NLRP12: variants seen among roughly 807,000 people sequenced by gnomAD.
NLRP12 encodes NACHT, LRR and PYD domains-containing protein 12.
Under a neutral mutation model 91.2 loss-of-function variants are expected in NLRP12, and 108 were observed. The observed-to-expected ratio is 1.18, with a 90% CI of 1.01 to 1.39. The LOEUF is 1.39. NLRP12 is among the 40% of genes most tolerant of loss of function. The pLI is 0.00. For synonymous variants in NLRP12, 613 were observed against 566.7 expected (o/e 1.08, Z -1.16); for missense variants, 1,530 against 1,352.7 (o/e 1.13, Z -2.06).
intron 6 of NLRP12, among the ~76,000 whole-genome samples, chr19:53,802,778 TTTTTA>T (rs1285205632): frequency 2.0e-5 from 3 of 152,074 alleles, no homozygotes; most frequent in South Asian, 2.1e-4. Context: ...TTAAATTTAC[TTTTTA>T]TTTTATTAGG....
chr19:53,798,809 TCGG>T lies in NLRP12; in HGVS notation c.2757-399_2757-397del, dbSNP rs1568658699. Among the ~76,000 whole-genome samples the T allele has an allele frequency of 3.3e-5, 5 of 152,210 alleles. No homozygotes were observed. In the East Asian group the frequency reaches 9.7e-4, roughly 29 times the overall value. Reference sequence around the variant, plus strand: ...CAGGCTGGAGTGCAATGGTGCAATCTCGGCTCACTGCAACCTCCACCTCACAAG... The same window carrying T: ...CAGGCTGGAGTGCAATGGTGCAATCTCTCACTGCAACCTCCACCTCACAAG... On this transcript the variant is annotated intron_variant, in intron 7 of 9. Coordinates refer to ENST00000324134, the MANE Select transcript of NLRP12 (RefSeq NM_144687.4).
rs143515989 is a variant in NLRP12, at chr19:53,798,414, C to A, written c.2757-1G>T. 3.5e-5 allele frequency: 56 copies of A among 1,613,756 alleles called. No individual in the cohort carries two copies. Among genetic ancestry groups the A allele is most frequent in the Non-Finnish European group, 4.6e-5 (54 of 1,179,926 alleles). On this transcript the variant is annotated splice_acceptor_variant, in intron 7 of 9. Coordinates refer to ENST00000324134, the MANE Select transcript of NLRP12 (RefSeq NM_144687.4). LOFTEE classifies it high-confidence loss of function. ...AGAGCCCAGCCGGCAGATGCCCAAC[C>A]TGCAAAGACAGGATGCTAGGGCGGA...
intron 6 of NLRP12, 189 bp downstream of exon 6, chr19:53,803,763 G>A (rs2091910720): frequency 3.3e-6 from 2 of 610,830 alleles, no homozygotes; most frequent in Non-Finnish European, 6.0e-6. Context: ...TAGTAGAGAG[G>A]GGGTTTCACC....
chr19:53,799,934 C>G (rs1050474907), intron 7 of NLRP12, among the ~76,000 whole-genome samples: 6 of 152,062 alleles, frequency 3.9e-5, no homozygotes, highest in Non-Finnish European at 7.4e-5. Flanking sequence ...AAGGCCAAGG[C>G]CAGAGGATCT....
rs774905024 is a variant in NLRP12, at chr19:53,795,896, G to T, written c.3061C>A (p.Arg1021=). Residue 1021 remains arginine (R), a synonymous_variant, in exon 9 of 10, where the codon CGG becomes AGG. Transcript: ENST00000324134. ...GDTGVRLLCK[R]LSHPGCKLRV... Reference sequence around the variant, plus strand: ...AGTTTGCAGCCAGGATGGCTCAGCCGCTTGCAAAGCAGTCGGACACCTGTG... The same window carrying T: ...AGTTTGCAGCCAGGATGGCTCAGCCTCTTGCAAAGCAGTCGGACACCTGTG... The T allele has an allele frequency of 1.2e-6, 2 of 1,614,148 alleles. No individual in the cohort carries two copies. Among genetic ancestry groups the T allele is most frequent in the Non-Finnish European group, 1.7e-6 (2 of 1,180,028 alleles).
chr19:53,811,458 G>C (rs1390968072), intron 2 of NLRP12, among the ~76,000 whole-genome samples, 170 bp from the exon 3 acceptor site: 1 of 151,694 alleles, frequency 6.6e-6, no homozygotes, highest in Non-Finnish European at 1.5e-5. Flanking sequence ...AGGTTGCAGT[G>C]AGCTGAGATC....
intron 7 of NLRP12, among the ~76,000 whole-genome samples, 179 bp downstream of exon 7, chr19:53,801,048 C>G (rs574250710): frequency 6.7e-6 from 1 of 150,062 alleles, no homozygotes; most frequent in African/African-American, 2.5e-5. Context: ...AAAAAATTAG[C>G]TGGGCTTGGT....
rs926548329 is a variant in NLRP12 at position 53,795,867 on chromosome 19, T to A, written c.3090A>T (p.Arg1030=). 11 of 1,613,938 alleles carry A rather than the reference T, an allele frequency of 6.8e-6. No homozygotes were observed. The African/African-American group carries it at 1.2e-4, about 18-fold the overall frequency. ...TGGTCATCATCCCTCACCAGAGGACTCGGAGTTTGCAGCCAGGATGGCTCA... is the reference window on the plus strand; with the variant it reads ...TGGTCATCATCCCTCACCAGAGGACACGGAGTTTGCAGCCAGGATGGCTCA... ...KRLSHPGCKL[R]VLWLFGMDLN... The change falls in exon 9 of 10, where the codon CGA becomes CGT. Residue 1030 remains arginine (R), a synonymous_variant. Transcript: ENST00000324134.
At chr19:53,819,598 C>CAT (rs10655030) in intron 1 of NLRP12, among the ~76,000 whole-genome samples, 9,245 of 24,804 alleles carry the variant, frequency 0.37, 1,822 homozygotes, top group Non-Finnish European at 0.43. Flanking sequence ...TACGTATATA[C>CAT]GCATATATAT....
intron 1 of NLRP12, among the ~76,000 whole-genome samples, chr19:53,822,287 C>T (rs956864453): frequency 6.6e-6 from 1 of 152,088 alleles, no homozygotes; most frequent in African/African-American, 2.4e-5. Context: ...AATTAGAATT[C>T]CAGATCTCCC....
At position 53,811,117 on chromosome 19, in the gene NLRP12, C is replaced by T. The variant is rs1241323756; in HGVS notation, c.542G>A (p.Arg181Gln). ...GTGTCCCACGGTCCTCGCGTGTCCC[C>T]GGCCTGTGTCCAGAAGCTGCTGCTG... ...QVQQQLLDTGRGHARTVGHQA... is the reference protein window; with the variant it reads ...QVQQQLLDTGQGHARTVGHQA... The change falls in exon 3 of 10, where the codon CGG (arginine) becomes CAG (glutamine). Residue 181 changes from arginine (R) to glutamine (Q), a missense_variant. Arg to Gln is a conservative substitution (Grantham distance 43). Transcript: ENST00000324134. The T allele has an allele frequency of 3.7e-6, 6 of 1,613,956 alleles. No homozygotes were observed. Among genetic ancestry groups the T allele is most frequent in the African/African-American group, 2.7e-5 (2 of 74,916 alleles).
rs1221331732 is a variant in NLRP12 at position 53,805,458 on chromosome 19, G to A, written c.2244-8C>T. 6 of 1,613,524 alleles carry A rather than the reference G, an allele frequency of 3.7e-6. No homozygotes were observed. The highest frequency in any genetic ancestry group is 5.1e-6 in the Non-Finnish European group (6 of 1,179,844). ...ATGCGGCACCTCTTCAGCCTGGGGT[G>A]GAAAAGAGGAGAAAGGAGCTGGTCA... On this transcript the variant is annotated splice_region_variant and splice_polypyrimidine_tract_variant and intron_variant, in intron 4 of 9. Transcript: ENST00000324134.
chr19:53,812,916 T>C lies in NLRP12; in HGVS notation c.371-1628A>G, dbSNP rs147357807. Among the ~76,000 whole-genome samples the C allele has an allele frequency of 8.1e-3, 1,204 of 147,902 alleles. 20 individuals are homozygous for C. The highest frequency in any genetic ancestry group is 0.027 in the African/African-American group (1,090 of 40,362). On this transcript the variant is annotated intron_variant, in intron 2 of 9. Coordinates refer to ENST00000324134, the MANE Select transcript of NLRP12 (RefSeq NM_144687.4). Reference sequence around the variant, plus strand: ...TTTTTTTTGAGACAGAGTGTTGCTCTGTCCCCCAGGCTGGAGTGCAGTGGC... The same window carrying C: ...TTTTTTTTGAGACAGAGTGTTGCTCCGTCCCCCAGGCTGGAGTGCAGTGGC...
chr19:53,805,389 T>C lies in NLRP12; in HGVS notation c.2305A>G (p.Asn769Asp), dbSNP rs2122610798. 6 of 1,614,082 alleles carry C rather than the reference T, an allele frequency of 3.7e-6. No homozygotes were observed. The highest frequency in any genetic ancestry group is 5.1e-6 in the Non-Finnish European group (6 of 1,179,998). The part of the protein sequence containing the change: ...CEDLSAALIA[N>D]KNLTRMDLSG... ...AGATCCATCCTTGTCAAATTCTTATTGGCTATGAGAGCTGCAGAGAGGTCC... is the reference window on the plus strand; with the variant it reads ...AGATCCATCCTTGTCAAATTCTTATCGGCTATGAGAGCTGCAGAGAGGTCC... Residue 769 changes from asparagine (N) to aspartate (D), a missense_variant, in exon 5 of 10, where the codon AAT (asparagine) becomes GAT (aspartate). Coordinates refer to ENST00000324134, the MANE Select transcript of NLRP12 (RefSeq NM_144687.4).
chr19:53,823,273 T>G (rs2092286293), intron 1 of NLRP12, among the ~76,000 whole-genome samples: 1 of 140,308 alleles, frequency 7.1e-6, no homozygotes, highest in Non-Finnish European at 1.5e-5. Context: ...TTTATATATA[T>G]TTATATAATA....
chr19:53,802,541 A>G (rs2091891915), intron 6 of NLRP12, among the ~76,000 whole-genome samples: 1 of 151,854 alleles, frequency 6.6e-6, no homozygotes, highest in Non-Finnish European at 1.5e-5. Flanking sequence ...CCCCGTCTCT[A>G]CTAAAAATAC....
chr19:53,800,347 C>T (rs917160221), intron 7 of NLRP12, among the ~76,000 whole-genome samples: 4 of 151,944 alleles, frequency 2.6e-5, no homozygotes, highest in Admixed American at 6.6e-5. Flanking sequence ...CATGCGCTTG[C>T]AGTCCCAGCT....
intron 1 of NLRP12, among the ~76,000 whole-genome samples, chr19:53,815,255 G>T (rs2092141101): frequency 7.6e-6 from 1 of 130,984 alleles, no homozygotes; most frequent in Non-Finnish European, 1.6e-5. Context: ...TTGAGACGGA[G>T]TCTTGCTCTG....
chr19:53,816,080 G>C (rs1321173224), intron 1 of NLRP12, among the ~76,000 whole-genome samples: 1 of 151,806 alleles, frequency 6.6e-6, no homozygotes, highest in Admixed American at 6.6e-5. Flanking sequence ...CCCAAAAAAG[G>C]CCTTCGTTTG....
Sources: allele counts gnomAD v4.1 joint callset (sites outside exome capture counted in the v4.1 genomes callset), GRCh38; gene constraint gnomAD v4.1.1; transcripts MANE v1.5; gene names NCBI Gene and HGNC (gene_info 2026-07-23, HGNC 2026-07-21).